Variants in EPHB1 observed in about 807,000 individuals in gnomAD.
The protein encoded by EPHB1 is ephrin type-B receptor 1.
In EPHB1, 30 loss-of-function variants were observed where a neutral mutation model predicts 94.4. That is an observed-to-expected ratio of 0.32 (90% CI 0.24 to 0.43). EPHB1 has a LOEUF of 0.43. Ranked by LOEUF, EPHB1 falls within the 20% of genes least tolerant of loss-of-function variation. The pLI is 1.00. For synonymous variants in EPHB1, 522 were observed against 489.1 expected (o/e 1.07, Z -0.89); for missense variants, 1,055 against 1,308.3 (o/e 0.81, Z 2.99).
At chr3:134,952,371 T>TCACA (rs796675356) in intron 3 of EPHB1, among the ~76,000 whole-genome samples, 5,236 of 148,242 alleles carry the variant, frequency 0.035, 108 homozygotes, top group African/African-American at 0.056. Flanking sequence ...TCTCTCTCTC[T>TCACA]CACACACACA....
chr3:135,184,141 G>A (rs1467575914), intron 10 of EPHB1, among the ~76,000 whole-genome samples: 2 of 152,120 alleles, frequency 1.3e-5, no homozygotes, highest in Admixed American at 6.5e-5. Flanking sequence ...GGAGTGACTA[G>A]TGAGCTTGGT....
chr3:134,978,302 G>A (rs1202852373), intron 3 of EPHB1, among the ~76,000 whole-genome samples: 2 of 152,112 alleles, frequency 1.3e-5, no homozygotes, highest in East Asian at 3.9e-4. Flanking sequence ...TCTTCCACAT[G>A]GTTGCTCCAG....
chr3:134,970,456 G>A (rs1205944183), intron 3 of EPHB1, among the ~76,000 whole-genome samples: 2 of 152,070 alleles, frequency 1.3e-5, no homozygotes, highest in African/African-American at 4.8e-5. Context: ...ACCTTCAACA[G>A]CCTCCCATCT....
At chr3:134,887,356 C>A (rs1407717849) in intron 1 of EPHB1, among the ~76,000 whole-genome samples, 2 of 152,238 alleles carry the variant, frequency 1.3e-5, no homozygotes, top group Admixed American at 6.5e-5. Flanking sequence ...ATTCACATAT[C>A]ACTTTCACAT....
At chr3:134,854,493 A>G (rs959309494) in intron 1 of EPHB1, among the ~76,000 whole-genome samples, 2 of 152,144 alleles carry the variant, frequency 1.3e-5, no homozygotes, top group African/African-American at 4.8e-5. Context: ...GAGGAGCTTT[A>G]GAACAGCCTG....
At chr3:134,808,759 T>A (rs144007340) in intron 1 of EPHB1, among the ~76,000 whole-genome samples, 1 of 152,346 alleles carries the variant, frequency 6.6e-6, no homozygotes, top group African/African-American at 2.4e-5. Context: ...ATGTTCTGTA[T>A]CTTCCTGAGC....
chr3:134,970,343 C>A (rs1041796467), intron 3 of EPHB1, among the ~76,000 whole-genome samples: 1 of 152,210 alleles, frequency 6.6e-6, no homozygotes, highest in Non-Finnish European at 1.5e-5. Flanking sequence ...ATTATTTCAA[C>A]ATGGAGAGAG....
At position 135,154,286 on chromosome 3, in the gene EPHB1, C is replaced by T. The variant is rs975138395; in HGVS notation, c.1422+10C>T. 6.2e-7 allele frequency: 1 copy of T among 1,613,788 alleles called. No individual in the cohort carries two copies. Among genetic ancestry groups the T allele is most frequent in the Non-Finnish European group, 8.5e-7 (1 of 1,179,752 alleles). ...CCGGTACTATGAGAAGGTGAGCCAGCTCTACCTGCAAGCTTGCAAGACCCA... is the reference window on the plus strand; with the variant it reads ...CCGGTACTATGAGAAGGTGAGCCAGTTCTACCTGCAAGCTTGCAAGACCCA... On this transcript the variant is annotated intron_variant, in intron 6 of 15. Coordinates refer to ENST00000398015, the MANE Select transcript of EPHB1 (RefSeq NM_004441.5).
At chr3:135,212,007 T>A (rs1943044702) in intron 12 of EPHB1, among the ~76,000 whole-genome samples, 1 of 152,182 alleles carries the variant, frequency 6.6e-6, no homozygotes, top group Non-Finnish European at 1.5e-5. Flanking sequence ...TTCCTGAGGC[T>A]CTGTTCATTA....
At chr3:134,837,272 C>G (rs190660891) in intron 1 of EPHB1, among the ~76,000 whole-genome samples, 27 of 152,348 alleles carry the variant, frequency 1.8e-4, no homozygotes, top group African/African-American at 6.0e-4. Context: ...GGTATACCCT[C>G]TATTCCATGA....
intron 15 of EPHB1, among the ~76,000 whole-genome samples, chr3:135,257,511 C>T (rs998918960): frequency 2.5e-4 from 38 of 152,244 alleles, no homozygotes; most frequent in Admixed American, 3.9e-4. Context: ...TGGGGGGTGC[C>T]TCCCAGTTAG....
At chr3:135,187,123 C>T (rs1435876131) in intron 10 of EPHB1, among the ~76,000 whole-genome samples, 1 of 152,198 alleles carries the variant, frequency 6.6e-6, no homozygotes, top group Non-Finnish European at 1.5e-5. Flanking sequence ...ACACCTGGAT[C>T]TGGGTCCTAA....
intron 1 of EPHB1, among the ~76,000 whole-genome samples, chr3:134,848,462 G>T (rs1377759998): frequency 6.6e-6 from 1 of 152,176 alleles, no homozygotes; most frequent in Non-Finnish European, 1.5e-5. Flanking sequence ...ATAATAAAAT[G>T]GAAATTTTAA....
At chr3:135,104,611 CAT>C (rs1240370430) in intron 3 of EPHB1, among the ~76,000 whole-genome samples, 2 of 152,320 alleles carry the variant, frequency 1.3e-5, no homozygotes, top group South Asian at 4.1e-4. Context: ...GGTGAAAAAA[CAT>C]AGCATTTTAA....
At chr3:135,056,133 G>A (rs1196347260) in intron 3 of EPHB1, among the ~76,000 whole-genome samples, 2 of 152,232 alleles carry the variant, frequency 1.3e-5, no homozygotes, top group South Asian at 4.1e-4. Flanking sequence ...CTGTCAGTTA[G>A]CCTGCACACC....
At chr3:134,866,515 G>A (rs549235848) in intron 1 of EPHB1, among the ~76,000 whole-genome samples, 20 of 152,248 alleles carry the variant, frequency 1.3e-4, no homozygotes, top group Non-Finnish European at 2.6e-4. Context: ...AGGTCCTAGG[G>A]TCATCTGGGA....
At chr3:135,141,179 A>T in intron 5 of EPHB1, among the ~76,000 whole-genome samples, 1 of 141,354 alleles carries the variant, frequency 7.1e-6, no homozygotes. Flanking sequence ...TTTTTGATGG[A>T]AGAGCAAACG....
intron 15 of EPHB1, among the ~76,000 whole-genome samples, chr3:135,251,221 A>G (rs1933075621): frequency 6.6e-6 from 1 of 152,240 alleles, no homozygotes; most frequent in Non-Finnish European, 1.5e-5. Context: ...TGACTGTCAA[A>G]TAGACAGCAA....
At chr3:135,039,968 T>C (rs1409127838) in intron 3 of EPHB1, among the ~76,000 whole-genome samples, 5 of 152,188 alleles carry the variant, frequency 3.3e-5, no homozygotes, top group African/African-American at 9.6e-5. Context: ...ACTGCCAGCA[T>C]GCTGTCACCT....
Sources: allele counts gnomAD v4.1 joint callset (sites outside exome capture counted in the v4.1 genomes callset), GRCh38; gene constraint gnomAD v4.1.1; transcripts MANE v1.5; gene names NCBI Gene and HGNC (gene_info 2026-07-23, HGNC 2026-07-21).